The following RHOBTB1 variants were observed in gnomAD, a reference collection of about 807,000 sequenced individuals.
RHOBTB1 encodes the protein Rho related BTB domain containing 1.
In RHOBTB1, 40 loss-of-function variants were observed where a neutral mutation model predicts 71.6. That is an observed-to-expected ratio of 0.56 (90% confidence interval 0.43 to 0.73). The LOEUF is 0.73. RHOBTB1 is among the 30% of genes least tolerant of loss of function. RHOBTB1 has a pLI of 0.00. For missense variants in RHOBTB1, 797 were observed against 894.0 expected (o/e 0.89, Z 1.38); for synonymous variants, 319 against 334.9 (o/e 0.95, Z 0.52).
At chr10:60,976,798 T>C (rs1026420684) in intron 2 of RHOBTB1, among the ~76,000 whole-genome samples, 4 of 152,066 alleles carry the variant, frequency 2.6e-5, no homozygotes, top group African/African-American at 9.7e-5. Flanking sequence ...GATTTGTAAG[T>C]ACTTTTTGGT....
upstream of RHOBTB1, among the ~76,000 whole-genome samples, chr10:60,944,736 G>C (rs1196072008): frequency 6.6e-6 from 1 of 152,206 alleles, no homozygotes; most frequent in Non-Finnish European, 1.5e-5. Flanking sequence ...TCAAAACCGA[G>C]CCCAGCTGCT....
intron 2 of RHOBTB1, among the ~76,000 whole-genome samples, chr10:60,958,896 T>C (rs1207449636): frequency 1.3e-5 from 2 of 152,136 alleles, no homozygotes; most frequent in Non-Finnish European, 2.9e-5. Context: ...GCACCGCACC[T>C]GGCCCAGAGT....
chr10:60,938,162 C>G (rs766212179), intron 2 of RHOBTB1, among the ~76,000 whole-genome samples: 23 of 152,186 alleles, frequency 1.5e-4, no homozygotes, highest in Non-Finnish European at 3.2e-4. Flanking sequence ...ATCTCAGCAC[C>G]ACTGAAGATA....
chr10:60,878,017 T>C lies in RHOBTB1; in HGVS notation c.1617A>G (p.Val539=). The change falls in exon 8 of 11, where the codon GTA becomes GTG. Residue 539 remains valine, a synonymous_variant. Transcript: ENST00000337910. ...ACTGCTTGGTATAGAGATAATCCAA[T>C]ACTGCTTGCATTGATATCTTGTTTA... is the stretch of plus-strand genomic sequence containing the variant. ...PNINKISMQA[V]LDYLYTKQLS... 1.2e-6 allele frequency: 2 copies of C among 1,613,338 alleles called. No homozygotes were observed. The highest frequency in any genetic ancestry group is 1.7e-6 in the Non-Finnish European group (2 of 1,179,492).
intron 7 of RHOBTB1, among the ~76,000 whole-genome samples, chr10:60,882,159 C>T (rs993736019): frequency 1.0e-4 from 15 of 149,776 alleles, no homozygotes; most frequent in Admixed American, 1.0e-3. Context: ...ATAATGGAAT[C>T]AAAAAATTTC....
chr10:60,900,775 T>C (rs781341091), intron 4 of RHOBTB1, among the ~76,000 whole-genome samples: 28 of 152,194 alleles, frequency 1.8e-4, no homozygotes, highest in Non-Finnish European at 2.4e-4. Context: ...AATGAAAATA[T>C]AATGTGAGCC....
intron 5 of RHOBTB1, among the ~76,000 whole-genome samples, chr10:60,890,137 T>A (rs1210489133): frequency 6.6e-6 from 1 of 152,182 alleles, no homozygotes; most frequent in Non-Finnish European, 1.5e-5. Context: ...GAGTCAAGAC[T>A]TTCCCACTTC....
At chr10:60,907,163 A>C (rs543956269) in intron 4 of RHOBTB1, among the ~76,000 whole-genome samples, 1 of 151,832 alleles carries the variant, frequency 6.6e-6, no homozygotes, top group East Asian at 1.9e-4. Context: ...AGTCCATTAA[A>C]CCTCTTTTTC....
intron 7 of RHOBTB1, among the ~76,000 whole-genome samples, chr10:60,880,457 C>T (rs755422672): frequency 3.9e-5 from 6 of 151,996 alleles, no homozygotes; most frequent in East Asian, 1.9e-4. Context: ...CATCCCTTAA[C>T]GTATCATAGG....
chr10:60,902,052 A>C (rs1447045897), intron 4 of RHOBTB1, among the ~76,000 whole-genome samples: 1 of 152,178 alleles, frequency 6.6e-6, no homozygotes, highest in African/African-American at 2.4e-5. Flanking sequence ...TCCAAGGACA[A>C]TTTCATCCTG....
intron 2 of RHOBTB1, among the ~76,000 whole-genome samples, chr10:60,960,573 A>T (rs2085744291): frequency 6.6e-6 from 1 of 152,196 alleles, no homozygotes; most frequent in African/African-American, 2.4e-5. Context: ...GTTGGATGGA[A>T]TATTAATACT....
chr10:60,880,200 TGTGAGAGA>T (rs1197965874), intron 7 of RHOBTB1, among the ~76,000 whole-genome samples: 128 of 138,350 alleles, frequency 9.3e-4, no homozygotes, highest in African/African-American at 3.5e-3. Flanking sequence ...TGTGTGTGTG[TGTGAGAGA>T]GAGAGAGAGA....
At chr10:60,882,599 G>T (rs1174517922) in intron 7 of RHOBTB1, among the ~76,000 whole-genome samples, 1 of 151,944 alleles carries the variant, frequency 6.6e-6, no homozygotes, top group Non-Finnish European at 1.5e-5. Context: ...CTCCAAAAAA[G>T]GCTGATTTTC....
intron 6 of RHOBTB1, 70 bp from the exon 7 acceptor site, chr10:60,886,300 C>A: frequency 9.5e-7 from 1 of 1,055,400 alleles, no homozygotes; most frequent in Non-Finnish European, 1.5e-6. Flanking sequence ...GCTTCTGCTC[C>A]CATAGCCACC....
At chr10:60,980,414 G>A (rs1226076728) in intron 2 of RHOBTB1, among the ~76,000 whole-genome samples, 1 of 152,132 alleles carries the variant, frequency 6.6e-6, no homozygotes, top group East Asian at 1.9e-4. Context: ...AGCATTGAAT[G>A]CTAAGGAATA....
At chr10:60,893,088 C>T in intron 4 of RHOBTB1, 93 bp from the exon 5 acceptor site, 6 of 885,054 alleles carry the variant, frequency 6.8e-6, no homozygotes, top group Non-Finnish European at 8.7e-6. Flanking sequence ...CCTTCTAATG[C>T]CATCTCATGT....
At chr10:60,905,236 G>A (rs996547575) in intron 4 of RHOBTB1, among the ~76,000 whole-genome samples, 1 of 151,664 alleles carries the variant, frequency 6.6e-6, no homozygotes, top group Non-Finnish European at 1.5e-5. Context: ...AGATCACAAG[G>A]TCAGCAGTTC....
At chr10:60,908,159 C>T (rs749792648) in intron 4 of RHOBTB1, among the ~76,000 whole-genome samples, 27 of 152,298 alleles carry the variant, frequency 1.8e-4, no homozygotes, top group Non-Finnish European at 3.8e-4. Context: ...CTACCACTGA[C>T]AACTCCTCAT....
intron 1 of RHOBTB1, among the ~76,000 whole-genome samples, chr10:60,987,950 T>G (rs1248550186): frequency 1.0e-5 from 1 of 98,236 alleles, no homozygotes; most frequent in African/African-American, 4.0e-5. Flanking sequence ...TTTTTTTTTT[T>G]TAAGACCGAG....
Sources: gnomAD v4.1 joint callset for allele counts (sites outside exome capture counted in the v4.1 genomes callset) on GRCh38, gnomAD v4.1.1 for gene constraint, MANE v1.5 for transcripts, NCBI Gene and HGNC (gene_info 2026-07-23, HGNC 2026-07-21) for gene names.